The following ZNF568 variants were observed in gnomAD, a reference collection of about 807,000 sequenced individuals.
ZNF568 encodes zinc finger protein 568.
A neutral mutation model predicts 18.1 loss-of-function variants in ZNF568; 11 were observed. The observed-to-expected ratio is 0.61, with a 90% confidence interval of 0.38 to 1.00. The LOEUF is 1.00. ZNF568 is among the 50% of genes least tolerant of loss of function. ZNF568 has a pLI of 0.01. For missense variants in ZNF568, 639 were observed against 768.2 expected (o/e 0.83, Z 1.99); for synonymous variants, 213 against 246.6 (o/e 0.86, Z 1.28).
exon 4 of ZNF568, chr19:36,991,836 A>C (rs746264772): frequency 1.9e-6 from 3 of 1,571,754 alleles, no homozygotes; most frequent in Non-Finnish European, 8.6e-7. Flanking sequence ...AGACAAAAGA[A>C]TGGTGTCCAG....
At chr19:36,917,212 G>A (rs1219979370) in intron 1 of ZNF568, among the ~76,000 whole-genome samples, 2 of 152,142 alleles carry the variant, frequency 1.3e-5, no homozygotes. Context: ...GATCTGCGCC[G>A]CATGTGTTCT....
intron 4 of ZNF568, 145 bp from the exon 5 acceptor site, chr19:36,936,601 G>C (rs1205086907): frequency 1.5e-6 from 1 of 673,802 alleles, no homozygotes; most frequent in Non-Finnish European, 2.3e-6. Flanking sequence ...TTATTTCTTT[G>C]AATGTTTTTT....
rs755384896 is a variant in ZNF568, at chr19:36,950,291, C to T, written c.1138C>T (p.His380Tyr). The T allele has an allele frequency of 1.9e-6, 3 of 1,613,978 alleles. No homozygotes were observed. The highest frequency in any genetic ancestry group is 1.7e-6 in the Non-Finnish European group (2 of 1,179,992). The change falls in exon 7 of 7, where the codon CAT (histidine) becomes TAT (tyrosine). Residue 380 changes from histidine (H) to tyrosine (Y), a missense_variant. Physicochemically the swap from His to Tyr is moderately conservative, Grantham distance 83 (BLOSUM62 2). Transcript: ENST00000333987. ...AFSRMSSVTLHMRSHTGEKPY... is the reference protein window; with the variant it reads ...AFSRMSSVTLYMRSHTGEKPY... ...TTCTCGAATGTCATCTGTTACGCTA[C>T]ATATGAGAAGTCACACAGGGGAGAA... is the stretch of plus-strand genomic sequence containing the variant.
At chr19:36,991,424 G>A (rs997898953) in intron 3 of ZNF568, 10 of 1,264,490 alleles carry the variant, frequency 7.9e-6, no homozygotes, top group African/African-American at 3.0e-5. Flanking sequence ...ATGAGTTAAT[G>A]TTTCTTGCTC....
At chr19:36,962,282 T>TTTG (rs2074158816) in intron 6 of ZNF568, among the ~76,000 whole-genome samples, 1 of 121,600 alleles carries the variant, frequency 8.2e-6, no homozygotes, top group Non-Finnish European at 1.8e-5. Flanking sequence ...GCAGTGTTTT[T>TTTG]TTTTTTTTTT....
chr19:36,954,860 A>G (rs2074095773), downstream of ZNF568, among the ~76,000 whole-genome samples: 1 of 151,818 alleles, frequency 6.6e-6, no homozygotes, highest in Non-Finnish European at 1.5e-5. Context: ...TACAGGTGTG[A>G]GCCACTGTAC....
rs1283136679 is a variant in ZNF568 at position 36,951,983 on chromosome 19, G to A, written c.*895G>A. 1.0e-6 allele frequency: 1 copy of A among 974,642 alleles called. No individual in the cohort carries two copies. The highest frequency in any genetic ancestry group is 1.2e-6 in the Non-Finnish European group (1 of 827,430). 60.4% of individuals were successfully genotyped at this position (974,642 alleles called of 1,614,324 possible). On this transcript the variant is annotated 3_prime_UTR_variant, in exon 7 of 7. Transcript: ENST00000333987. The stretch of plus-strand genomic sequence containing the variant: ...ATACTGGAATTTGAAAAGCCAAACT[G>A]TGAAACCATTGGGAGAAAATAGATG...
chr19:36,985,099 C>A (rs893911929), intron 2 of ZNF568, among the ~76,000 whole-genome samples: 9 of 152,150 alleles, frequency 5.9e-5, no homozygotes, highest in East Asian at 5.8e-4. Context: ...AATCTCTCTT[C>A]TGTACATCTG....
rs1226838670 is a variant in ZNF568 at position 36,951,400 on chromosome 19, TAGAGG to T, written c.*314_*318del. On this transcript the variant is annotated 3_prime_UTR_variant, in exon 7 of 7. Coordinates refer to ENST00000333987, the MANE Select transcript of ZNF568 (RefSeq NM_198539.4). ...ATTGCTGCGACAATTTTGAAAAGAA[TAGAGG>T]AAACACCCTCACTGTATGATATAAA... The T allele has an allele frequency of 1.0e-5, 2 of 198,660 alleles. No individual in the cohort carries two copies. Among genetic ancestry groups the T allele is most frequent in the Non-Finnish European group, 2.0e-5 (2 of 99,376 alleles). 12.3% of individuals were successfully genotyped at this position (198,660 alleles called of 1,614,324 possible).
Position 36,916,361 on chromosome 19 carries a change from G to A in ZNF568, c.-486G>A, listed in dbSNP as rs1008165313. On this transcript the variant is annotated 5_prime_UTR_variant, in exon 1 of 7. Coordinates refer to ENST00000333987, the MANE Select transcript of ZNF568 (RefSeq NM_198539.4). The surrounding 1 kb of genome is among the most constrained non-coding windows in gnomAD (Gnocchi z 5.3). Reference sequence around the variant, plus strand: ...TCCTCGGAAACGTCGCTGGCGCGGAGGGATGGTTCGGCGCTTTAGGCGTCT... The same window carrying A: ...TCCTCGGAAACGTCGCTGGCGCGGAAGGATGGTTCGGCGCTTTAGGCGTCT... 3.1e-5 allele frequency: 5 copies of A among 161,142 alleles called. No homozygotes were observed. The highest frequency in any genetic ancestry group is 1.9e-4 in the Admixed American group (3 of 15,484). The allele number at this position is 161,142 out of a possible 1,614,324, so 10.0% of individuals were successfully genotyped here.
chr19:36,991,320 G>A (rs746183975), intron 3 of ZNF568: 10 of 1,521,400 alleles, frequency 6.6e-6, no homozygotes, highest in Admixed American at 4.1e-5. Context: ...CTGCCCCTCC[G>A]TACACCCCCT....
At chr19:36,983,443 T>C (rs1264772296), downstream of ZNF568, among the ~76,000 whole-genome samples, 1 of 152,248 alleles carries the variant, frequency 6.6e-6, no homozygotes, top group Non-Finnish European at 1.5e-5. Context: ...GTCGTGTTAA[T>C]GTGCATCGTT....
chr19:36,934,604 C>T (rs117776789), intron 4 of ZNF568, among the ~76,000 whole-genome samples: 2 of 152,088 alleles, frequency 1.3e-5, no homozygotes, highest in African/African-American at 4.8e-5. Flanking sequence ...TATGGGCACG[C>T]CCAGCCCTCT....
intron 6 of ZNF568, 78 bp from the exon 7 acceptor site, chr19:36,949,434 T>G (rs1396890443): frequency 7.1e-7 from 1 of 1,412,300 alleles, no homozygotes; most frequent in Non-Finnish European, 9.4e-7. Flanking sequence ...AACCCCACAT[T>G]AGCCTATTTC....
exon 4 of ZNF568, chr19:36,991,823 A>G: frequency 6.3e-7 from 1 of 1,576,476 alleles, no homozygotes; most frequent in Non-Finnish European, 8.6e-7. Flanking sequence ...GTTAAGAGGA[A>G]GGAGACAAAA....
At chr19:36,959,505 T>C (rs916864830) in intron 6 of ZNF568, among the ~76,000 whole-genome samples, 1 of 151,728 alleles carries the variant, frequency 6.6e-6, no homozygotes, top group African/African-American at 2.4e-5. Context: ...GTTTTGGTAA[T>C]AGGATGATCC....
Position 36,997,028 on chromosome 19 carries a change from CG to C in ZNF568, c.944del (p.Gly315ValfsTer20), listed in dbSNP as rs2074481175. On this transcript the variant is annotated frameshift_variant, in exon 5 of 5. Coordinates refer to the ZNF568 transcript ENST00000433993. LOFTEE classifies it low-confidence loss of function (END_TRUNC). ...CTTTTTCGACATCAAAGAATCCATA[CG>C]GGTGAGAAACCCCATAAATGTAAGG... The C allele has an allele frequency of 3.8e-6, 6 of 1,561,898 alleles. No homozygotes were observed. The highest frequency in any genetic ancestry group is 4.3e-6 in the Non-Finnish European group (5 of 1,160,008).
intron 7 of ZNF568, among the ~76,000 whole-genome samples, chr19:36,977,609 G>A (rs1644656): frequency 0.55 from 83,065 of 151,926 alleles, 23,389 homozygotes; most frequent in African/African-American, 0.66. Flanking sequence ...TCCCATTACT[G>A]TAGAGGCCAA....
At chr19:36,947,155 A>G (rs2073981116) in intron 6 of ZNF568, among the ~76,000 whole-genome samples, 1 of 152,042 alleles carries the variant, frequency 6.6e-6, no homozygotes, top group African/African-American at 2.4e-5. Flanking sequence ...AGCTGGGATT[A>G]CAGGCACGTA....
Sources: gnomAD v4.1 joint callset for allele counts (sites outside exome capture counted in the v4.1 genomes callset) on GRCh38, gnomAD v4.1.1 for gene constraint, Gnocchi (gnomAD v3.1) non-coding constraint, MANE v1.5 for transcripts, NCBI Gene and HGNC (gene_info 2026-07-23, HGNC 2026-07-21) for gene names.